WSCD2: variants seen among roughly 807,000 people sequenced by gnomAD.
The protein encoded by WSCD2 is sialate:O-sulfotransferase 2.
A neutral mutation model predicts 55.7 loss-of-function variants in WSCD2; 28 were observed. That is an observed-to-expected ratio of 0.50 (90% CI 0.37 to 0.69). WSCD2 has a LOEUF of 0.69. Among genes scored for constraint, WSCD2 ranks in the 30% least tolerant of loss-of-function variants. The probability of loss-of-function intolerance (pLI) is 0.00; values close to 1 mark genes in which losing one functional copy is unlikely to be tolerated. For missense variants in WSCD2, 616 were observed against 762.1 expected, an observed-to-expected ratio of 0.81 and a Z score of 2.26; for synonymous variants, 301 against 301.9, an observed-to-expected ratio of 1.00 and a Z score of 0.03.
intron 7 of WSCD2, among the ~76,000 whole-genome samples, chr12:108,236,704 A>C (rs1889298757): frequency 6.8e-6 from 1 of 146,862 alleles, no homozygotes; most frequent in African/African-American, 2.5e-5. Flanking sequence ...CTAGGTGTCT[A>C]TCTCCCCTTC....
rs555743113 is a variant in WSCD2 at position 108,206,585 on chromosome 12, A to G, written c.497+182A>G. Among the ~76,000 whole-genome samples, 6 of 152,358 alleles carry G rather than the reference A, an allele frequency of 3.9e-5. No individual in the cohort carries two copies. The South Asian group carries it at 8.3e-4, about 21-fold the overall frequency. On this transcript the variant is annotated intron_variant, in intron 3 of 8. Coordinates refer to ENST00000547525, the MANE Select transcript of WSCD2 (RefSeq NM_014653.4). ...GTGCATAAGCACATCCACACAACTG[A>G]GGACTGCTCAAGAGTTGGTCTATGG...
At chr12:108,191,413 T>C (rs948276336) in intron 1 of WSCD2, among the ~76,000 whole-genome samples, 7 of 151,978 alleles carry the variant, frequency 4.6e-5, no homozygotes, top group African/African-American at 1.7e-4. Context: ...GAATGACAGA[T>C]GGATGTGGGA....
Position 108,216,849 on chromosome 12 carries a change from G to A in WSCD2, c.682+6544G>A, listed in dbSNP as rs7957370. 9.9e-3 allele frequency among the ~76,000 whole-genome samples: 1,505 copies of A among 152,298 alleles called. 19 individuals are homozygous for A. Among genetic ancestry groups the A allele is most frequent in the African/African-American group, 0.032 (1,325 of 41,550 alleles). On this transcript the variant is annotated intron_variant, in intron 4 of 8. Coordinates refer to ENST00000547525, the MANE Select transcript of WSCD2 (RefSeq NM_014653.4). ...GGCTCCTGGGGAAATTAACACCCTG[G>A]CAGGCCCAGCCTGTCCCTCACAGGC...
chr12:108,212,584 C>A (rs11613519), intron 4 of WSCD2, among the ~76,000 whole-genome samples: 1 of 139,974 alleles, frequency 7.1e-6, no homozygotes, highest in Non-Finnish European at 1.5e-5. Context: ...GTCTCTCCAC[C>A]CCCATTTCTC....
chr12:108,219,427 ACAT>A (rs1593063116), intron 4 of WSCD2, among the ~76,000 whole-genome samples: 4 of 152,306 alleles, frequency 2.6e-5, no homozygotes, highest in African/African-American at 7.2e-5. Context: ...TAGGAGGCAC[ACAT>A]CATCACTCAC....
intron 1 of WSCD2, among the ~76,000 whole-genome samples, chr12:108,144,221 G>A (rs976745049): frequency 6.6e-6 from 1 of 152,118 alleles, no homozygotes; most frequent in Non-Finnish European, 1.5e-5. Flanking sequence ...TTGAGAGCTC[G>A]TGTTATGGAT....
rs529786528 is a variant in WSCD2 at position 108,172,667 on chromosome 12, AC to A, written c.-551-22614del. On this transcript the variant is annotated intron_variant, in intron 1 of 8. Coordinates refer to ENST00000547525, the MANE Select transcript of WSCD2 (RefSeq NM_014653.4). The stretch of plus-strand genomic sequence containing the variant: ...TGGCAAATGCAAAAGATCGCCAGCA[AC>A]TGCTAGAAGCTGGAAGAGGGGCACA... Among the ~76,000 whole-genome samples, 11 of 152,358 alleles carry A rather than the reference AC, an allele frequency of 7.2e-5. No homozygotes were observed. In the South Asian group the frequency reaches 2.3e-3, roughly 32 times the overall value.
intron 2 of WSCD2, among the ~76,000 whole-genome samples, chr12:108,204,041 A>G (rs897930198): frequency 6.6e-6 from 1 of 152,206 alleles, no homozygotes; most frequent in Non-Finnish European, 1.5e-5. Context: ...CCAAACTAAG[A>G]TTTGCTTCTA....
chr12:108,149,713 G>A (rs909688962), intron 1 of WSCD2: 4 of 152,192 alleles, frequency 2.6e-5, no homozygotes, highest in Admixed American at 1.3e-4. Flanking sequence ...CTACTTATGC[G>A]GAAACTTGGT....
chr12:108,244,691 C>G lies in WSCD2; in HGVS notation c.1346-3300C>G, dbSNP rs1182825704. ...GTGGGGAGGAGCTGGGTCCTGAACC[C>G]CAGCAGTCTGACTGCAGAATCATCT... On this transcript the variant is annotated intron_variant, in intron 8 of 8. Coordinates refer to ENST00000547525, the MANE Select transcript of WSCD2 (RefSeq NM_014653.4). The G allele has an allele frequency of 2.9e-5, 20 of 684,788 alleles. No individual in the cohort carries two copies. In the East Asian group the frequency reaches 5.2e-4, roughly 18 times the overall value. 42.4% of individuals were successfully genotyped at this position (684,788 alleles called of 1,614,324 possible).
intron 1 of WSCD2, among the ~76,000 whole-genome samples, chr12:108,184,174 G>A (rs983814147): frequency 6.6e-6 from 1 of 152,082 alleles, no homozygotes; most frequent in Non-Finnish European, 1.5e-5. Flanking sequence ...TGATGGCTGT[G>A]AGCCCACCTC....
intron 1 of WSCD2, among the ~76,000 whole-genome samples, chr12:108,165,727 T>G (rs1879538215): frequency 6.6e-6 from 1 of 152,204 alleles, no homozygotes; most frequent in Non-Finnish European, 1.5e-5. Flanking sequence ...ACATTTGCTG[T>G]TTTTCTTGGA....
chr12:108,140,790 T>C (rs1401973853), intron 1 of WSCD2, among the ~76,000 whole-genome samples: 1 of 152,170 alleles, frequency 6.6e-6, no homozygotes, highest in Non-Finnish European at 1.5e-5. Flanking sequence ...GAGTGTGAAC[T>C]TCAGCAGAGC....
chr12:108,230,157 G>GTGGAATATTAAGTGCA (rs1565988300), intron 6 of WSCD2, among the ~76,000 whole-genome samples: 1 of 152,162 alleles, frequency 6.6e-6, no homozygotes, highest in Admixed American at 6.5e-5. Context: ...AAGTGTACTA[G>GTGGAATATTAAGTGCA]TTAATATCAA....
intron 1 of WSCD2, among the ~76,000 whole-genome samples, chr12:108,130,252 G>C (rs1875347103): frequency 6.6e-6 from 1 of 152,238 alleles, no homozygotes; most frequent in African/African-American, 2.4e-5. Context: ...CGGGGAGGCA[G>C]TGGGCCCCGT....
chr12:108,222,361 GA>G (rs1565980418), intron 4 of WSCD2, among the ~76,000 whole-genome samples: 1 of 152,128 alleles, frequency 6.6e-6, no homozygotes, highest in Non-Finnish European at 1.5e-5. Context: ...CTCTTCTCTC[GA>G]AGCCCTGTTT....
At chr12:108,206,607 A>G (rs1393739308) in intron 3 of WSCD2, among the ~76,000 whole-genome samples, 1 of 152,236 alleles carries the variant, frequency 6.6e-6, no homozygotes, top group Non-Finnish European at 1.5e-5. Context: ...GAGTTGGTCT[A>G]TGGGAGTCTG....
intron 6 of WSCD2, 84 bp downstream of exon 6, chr12:108,227,248 A>T: frequency 6.7e-7 from 1 of 1,483,700 alleles, no homozygotes. Context: ...TCCATCCCAC[A>T]CAGCCTGCAG....
chr12:108,147,402 A>G (rs973415870), intron 1 of WSCD2, among the ~76,000 whole-genome samples: 2 of 152,164 alleles, frequency 1.3e-5, no homozygotes, highest in Non-Finnish European at 2.9e-5. Flanking sequence ...ATTGGGAGCC[A>G]TGTGGGCTTA....
Sources: allele counts gnomAD v4.1 joint callset (sites outside exome capture counted in the v4.1 genomes callset), GRCh38; gene constraint gnomAD v4.1.1; transcripts MANE v1.5; gene names NCBI Gene and HGNC (gene_info 2026-07-23, HGNC 2026-07-21).